Variants in METAP1D observed in about 807,000 individuals in gnomAD.
The protein encoded by METAP1D is methionine aminopeptidase 1D, mitochondrial.
Under a neutral mutation model 40.5 loss-of-function variants are expected in METAP1D, and 31 were observed. The ratio of observed to expected loss-of-function variants is 0.77; its 90% CI spans 0.58 to 1.03. METAP1D has a LOEUF of 1.03. Among genes scored for constraint, METAP1D ranks in the 50% least tolerant of loss-of-function variants. The pLI is 0.00. For missense variants in METAP1D, 411 were observed against 420.7 expected (o/e 0.98, Z 0.20); for synonymous variants, 151 against 146.4 (o/e 1.03, Z -0.22).
intron 8 of METAP1D, among the ~76,000 whole-genome samples, chr2:172,079,676 C>T (rs2105506908): frequency 6.6e-6 from 1 of 152,260 alleles, no homozygotes; most frequent in Admixed American, 6.5e-5. Context: ...GTAAAGACAT[C>T]CTGTTTCTGA....
chr2:172,010,002 T>C (rs1688674047), intron 1 of METAP1D, among the ~76,000 whole-genome samples: 1 of 151,962 alleles, frequency 6.6e-6, no homozygotes, highest in African/African-American at 2.4e-5. Flanking sequence ...TAAGATGAAA[T>C]TGCAGGATGA....
chr2:172,076,498 C>A (rs776027395), intron 6 of METAP1D, among the ~76,000 whole-genome samples: 1 of 152,138 alleles, frequency 6.6e-6, no homozygotes, highest in Non-Finnish European at 1.5e-5. Context: ...TAAAGTACAA[C>A]GTAAGAGATA....
chr2:172,033,015 C>T (rs1176207173), intron 1 of METAP1D, among the ~76,000 whole-genome samples: 1 of 151,984 alleles, frequency 6.6e-6, no homozygotes, highest in African/African-American at 2.4e-5. Context: ...GCTGAGATCA[C>T]ACCACTGCAC....
At chr2:172,033,848 G>A (rs182381602) in intron 1 of METAP1D, among the ~76,000 whole-genome samples, 3 of 151,656 alleles carry the variant, frequency 2.0e-5, no homozygotes, top group Non-Finnish European at 4.4e-5. Flanking sequence ...AGGCCGAGGC[G>A]GGGGGGATCA....
chr2:172,062,186 T>C (rs556570161), intron 2 of METAP1D, among the ~76,000 whole-genome samples: 41 of 152,344 alleles, frequency 2.7e-4, no homozygotes, highest in Middle Eastern at 6.8e-3. Context: ...CTATCCATTT[T>C]TCAAAATGCA....
rs1224512680 is a variant in METAP1D at position 172,044,825 on chromosome 2, A to C, written c.41-16673A>C. 3.0e-5 allele frequency among the ~76,000 whole-genome samples: 4 copies of C among 133,114 alleles called. 1 individual carries two copies. The highest frequency in any genetic ancestry group is 7.0e-5 in the Non-Finnish European group (4 of 57,202). 87.3% of individuals were successfully genotyped at this position (133,114 alleles called of 152,430 possible). ...GGAAGCTGAGGCAGGAGAATTCTTG[A>C]ACCTGGATGATGGAGGTCATGCCAC... On this transcript the variant is annotated intron_variant, in intron 1 of 9. Transcript: ENST00000315796.
Position 172,024,244 on chromosome 2 carries a change from G to C in METAP1D, c.40+24235G>C, listed in dbSNP as rs142064875. 5.5e-4 allele frequency among the ~76,000 whole-genome samples: 84 copies of C among 152,206 alleles called. 1 individual carries two copies. In the Middle Eastern group the frequency reaches 0.031, roughly 55 times the overall value. On this transcript the variant is annotated intron_variant, in intron 1 of 9. Coordinates refer to ENST00000315796, the MANE Select transcript of METAP1D (RefSeq NM_199227.3). ...ATGTTGGGAAAAAATGAAGGTACTG[G>C]TTTTTGCTCATTTAAGGATCTGTGT...
intron 1 of METAP1D, among the ~76,000 whole-genome samples, chr2:172,048,209 A>G (rs946147597): frequency 7.9e-5 from 12 of 152,208 alleles, no homozygotes; most frequent in African/African-American, 2.9e-4. Flanking sequence ...GACCCAACCT[A>G]GGATCTCATG....
chr2:172,049,254 G>A (rs1689831555), intron 1 of METAP1D, among the ~76,000 whole-genome samples: 1 of 151,870 alleles, frequency 6.6e-6, no homozygotes, highest in African/African-American at 2.4e-5. Context: ...CAAAGTGCTG[G>A]GTTTATAGGC....
chr2:172,020,859 A>G (rs1466096692), intron 1 of METAP1D, among the ~76,000 whole-genome samples: 1 of 152,230 alleles, frequency 6.6e-6, no homozygotes, highest in Non-Finnish European at 1.5e-5. Context: ...ACATCTAATC[A>G]GAAGAGAACT....
At chr2:172,063,608 C>G in intron 2 of METAP1D, 103 bp from the exon 3 acceptor site, 1 of 892,628 alleles carries the variant, frequency 1.1e-6, no homozygotes, top group Admixed American at 2.3e-5. Context: ...GGTGCTCCGG[C>G]AGGAAGGGCA....
intron 1 of METAP1D, among the ~76,000 whole-genome samples, chr2:172,001,884 GC>G (rs774971218): frequency 3.3e-5 from 5 of 151,982 alleles, no homozygotes; most frequent in Non-Finnish European, 5.9e-5. Flanking sequence ...ATCACTTGAG[GC>G]CAGGAGTTCA....
At chr2:172,051,452 T>G (rs1046470152) in intron 1 of METAP1D, among the ~76,000 whole-genome samples, 6 of 152,226 alleles carry the variant, frequency 3.9e-5, no homozygotes, top group Non-Finnish European at 7.3e-5. Flanking sequence ...AGATTTAGCT[T>G]TTGTAAAGAA....
At chr2:172,032,459 T>A (rs1043271699) in intron 1 of METAP1D, among the ~76,000 whole-genome samples, 5 of 152,208 alleles carry the variant, frequency 3.3e-5, no homozygotes, top group Non-Finnish European at 7.3e-5. Flanking sequence ...CTGAATTTGT[T>A]GTTGAAAGCC....
chr2:172,011,581 G>T (rs1341286798), intron 1 of METAP1D, among the ~76,000 whole-genome samples: 1 of 152,192 alleles, frequency 6.6e-6, no homozygotes, highest in South Asian at 2.1e-4. Flanking sequence ...ACCGCGCCCG[G>T]CCTAATCTTT....
At chr2:172,037,294 G>GGT (rs4027462) in intron 1 of METAP1D, among the ~76,000 whole-genome samples, 2,242 of 149,128 alleles carry the variant, frequency 0.015, 32 homozygotes, top group African/African-American at 0.03. Context: ...TTTTACTTGG[G>GGT]GTGTGTGTGT....
intron 1 of METAP1D, among the ~76,000 whole-genome samples, chr2:172,016,322 TATATATATAA>T (rs1185940658): frequency 0.012 from 1,246 of 101,418 alleles, 34 homozygotes; most frequent in South Asian, 0.016. Context: ...TATATATATA[TATATATATAA>T]ATAGTCCAGG....
At chr2:172,074,002 T>C (rs919320644) in intron 6 of METAP1D, among the ~76,000 whole-genome samples, 9 of 152,218 alleles carry the variant, frequency 5.9e-5, no homozygotes, top group African/African-American at 2.2e-4. Context: ...TCAGCTAAAA[T>C]GTTTTAATGG....
intron 6 of METAP1D, 56 bp downstream of exon 6, chr2:172,071,126 G>T: frequency 7.0e-7 from 1 of 1,434,288 alleles, no homozygotes. Flanking sequence ...AAAGGTTATT[G>T]GTGGCTTGGT....
Sources: allele counts gnomAD v4.1 joint callset (sites outside exome capture counted in the v4.1 genomes callset), GRCh38; gene constraint gnomAD v4.1.1; transcripts MANE v1.5; gene names NCBI Gene and HGNC (gene_info 2026-07-23, HGNC 2026-07-21).